PPA2: variants seen among roughly 807,000 people sequenced by gnomAD.
The protein encoded by PPA2 is inorganic pyrophosphatase 2, also known as inorganic pyrophosphatase 2, mitochondrial.
PPA2 carries 48 observed loss-of-function variants against 49.5 expected under a neutral mutation model. The ratio of observed to expected loss-of-function variants is 0.97; its 90% CI spans 0.77 to 1.23. The LOEUF is 1.23. Among genes scored for constraint, PPA2 ranks in the 50% most tolerant of loss-of-function variants. The pLI is 0.00. For missense variants in PPA2, 429 were observed against 410.1 expected (o/e 1.05, Z -0.40); for synonymous variants, 131 against 139.9 (o/e 0.94, Z 0.45).
chr4:105,386,128 A>C (rs2636725), intron 10 of PPA2, among the ~76,000 whole-genome samples: 1 of 151,794 alleles, frequency 6.6e-6, no homozygotes, highest in Non-Finnish European at 1.5e-5. Flanking sequence ...TAATTCACTC[A>C]CCTTGGCCTC....
chr4:105,471,724 T>C (rs1004657317), intron 1 of PPA2, among the ~76,000 whole-genome samples: 12 of 152,042 alleles, frequency 7.9e-5, no homozygotes, highest in Non-Finnish European at 1.6e-4. Context: ...CACTTTGCCC[T>C]ACCCCTTCTA....
Position 105,438,043 on chromosome 4 carries a change from T to A in PPA2, c.442-7A>T. 1.5e-6 allele frequency: 2 copies of A among 1,294,232 alleles called. No homozygotes were observed. Among genetic ancestry groups the A allele is most frequent in the South Asian group, 1.4e-5 (1 of 71,774 alleles). The allele number at this position is 1,294,232 out of a possible 1,614,324, so 80.2% of individuals were successfully genotyped here. ...CATGGGGATCTTCCCAAGTCTAAAA[T>A]TTTTTTTTTAAAAAAAAGCAGAAAT... On this transcript the variant is annotated splice_polypyrimidine_tract_variant and splice_region_variant and intron_variant, in intron 5 of 11. Coordinates refer to ENST00000341695, the MANE Select transcript of PPA2 (RefSeq NM_176869.3).
At chr4:105,428,207 C>T (rs1002781103) in intron 6 of PPA2, among the ~76,000 whole-genome samples, 2 of 152,096 alleles carry the variant, frequency 1.3e-5, no homozygotes, top group Admixed American at 6.5e-5. Flanking sequence ...AAGCAAGAAA[C>T]GTGGAAAGGA....
intron 7 of PPA2, among the ~76,000 whole-genome samples, chr4:105,423,720 T>G (rs1205283533): frequency 2.6e-5 from 4 of 152,190 alleles, no homozygotes; most frequent in African/African-American, 9.6e-5. Flanking sequence ...GCAGTTACTT[T>G]TCCCTTCATT....
chr4:105,417,745 A>C (rs995462104), intron 7 of PPA2, among the ~76,000 whole-genome samples: 3 of 152,230 alleles, frequency 2.0e-5, no homozygotes, highest in Non-Finnish European at 2.9e-5. Flanking sequence ...AAAAGAGCTA[A>C]CTTTTCACTG....
In PPA2 at chr4:105,474,042, C is replaced by T; in HGVS notation, c.9G>A (p.Ala3=). Residue 3 remains alanine (A), a synonymous_variant, in exon 1 of 12, where the codon GCG becomes GCA. Transcript: ENST00000341695. The stretch of plus-strand genomic sequence containing the variant: ...CACCCGTGCGCAGCAGCCGCAGCAG[C>T]GCGCTCATGGCGTCAATGACGGTCC... MS[A]LLRLLRTGAP... 6.3e-7 allele frequency: 1 copy of T among 1,588,492 alleles called. No individual in the cohort carries two copies. Among genetic ancestry groups the T allele is most frequent in the Non-Finnish European group, 8.6e-7 (1 of 1,167,004 alleles).
At chr4:105,384,837 T>C (rs1733619232) in intron 10 of PPA2, among the ~76,000 whole-genome samples, 1 of 152,212 alleles carries the variant, frequency 6.6e-6, no homozygotes, top group South Asian at 2.1e-4. Context: ...GAAAATATTT[T>C]AATGGTTCCC....
intron 6 of PPA2, 44 bp from the exon 7 acceptor site, chr4:105,424,366 G>A (rs1465536434): frequency 6.7e-7 from 1 of 1,502,822 alleles, no homozygotes; most frequent in Non-Finnish European, 8.8e-7. Flanking sequence ...GCTTTGGAGA[G>A]TTTACTCACA....
intron 1 of PPA2, among the ~76,000 whole-genome samples, chr4:105,466,859 T>G (rs995521091): frequency 6.6e-6 from 1 of 152,166 alleles, no homozygotes; most frequent in Non-Finnish European, 1.5e-5. Context: ...TTACTGGAGT[T>G]GTACGCGTGT....
intron 7 of PPA2, chr4:105,405,615 C>T: frequency 2.0e-6 from 2 of 1,009,962 alleles, no homozygotes; most frequent in Non-Finnish European, 2.4e-6. Context: ...AATAAAAAGA[C>T]TCCTCAAGTT....
intron 6 of PPA2, among the ~76,000 whole-genome samples, chr4:105,434,858 C>T (rs17035586): frequency 0.13 from 19,173 of 152,064 alleles, 1,292 homozygotes; most frequent in African/African-American, 0.16. Context: ...GCTGTAACAC[C>T]GTTAAAAACT....
chr4:105,403,192 C>CT lies in PPA2; in HGVS notation c.656-4029dup, dbSNP rs575400038. On this transcript the variant is annotated intron_variant, in intron 7 of 11. Transcript: ENST00000341695. ...GTGTGCACCACCATGCTTGGCTAATCTTTTTTGTTTGTTTGTTTTCCAGTA... is the reference window on the plus strand; with the variant it reads ...GTGTGCACCACCATGCTTGGCTAATCTTTTTTTGTTTGTTTGTTTTCCAGTA... Among the ~76,000 whole-genome samples the CT allele has an allele frequency of 1.5e-4, 23 of 151,494 alleles. No homozygotes were observed. In the South Asian group the frequency reaches 1.9e-3, roughly 12 times the overall value.
intron 10 of PPA2, among the ~76,000 whole-genome samples, chr4:105,383,588 C>T (rs929533321): frequency 6.6e-6 from 1 of 152,158 alleles, no homozygotes; most frequent in African/African-American, 2.4e-5. Flanking sequence ...AAGTACAAAG[C>T]AGTTAACCAT....
intron 1 of PPA2, 37 bp downstream of exon 1, chr4:105,473,857 C>G: frequency 6.4e-7 from 1 of 1,571,288 alleles, no homozygotes; most frequent in Non-Finnish European, 8.6e-7. Flanking sequence ...CAGGTTTCTC[C>G]GGTGCGCCGC....
intron 1 of PPA2, among the ~76,000 whole-genome samples, chr4:105,457,835 G>A (rs1389523193): frequency 1.3e-5 from 2 of 152,128 alleles, no homozygotes; most frequent in Non-Finnish European, 2.9e-5. Context: ...GAAGTATAGG[G>A]ATTACAGGTG....
At chr4:105,381,710 A>G (rs1301472775) in intron 10 of PPA2, among the ~76,000 whole-genome samples, 6 of 152,034 alleles carry the variant, frequency 3.9e-5, no homozygotes, top group Non-Finnish European at 7.4e-5. Flanking sequence ...GCCTGTAGTT[A>G]TGTCTTCATT....
intron 5 of PPA2, among the ~76,000 whole-genome samples, chr4:105,438,586 T>C (rs1724184127): frequency 6.6e-6 from 1 of 152,198 alleles, no homozygotes; most frequent in Non-Finnish European, 1.5e-5. Context: ...AGGACCTTGA[T>C]AAAAACATGA....
intron 6 of PPA2, among the ~76,000 whole-genome samples, chr4:105,428,602 T>A (rs1723639885): frequency 7.1e-6 from 1 of 141,470 alleles, no homozygotes; most frequent in African/African-American, 2.7e-5. Context: ...TTCTCCCTCA[T>A]AAGTGGGAGT....
intron 8 of PPA2, 122 bp downstream of exon 8, chr4:105,398,915 T>C (rs1221933590): frequency 1.1e-6 from 1 of 908,172 alleles, no homozygotes; most frequent in Non-Finnish European, 1.6e-6. Context: ...ATATGTAAGT[T>C]AGTAAAAAGC....
Sources: allele counts gnomAD v4.1 joint callset (sites outside exome capture counted in the v4.1 genomes callset), GRCh38; gene constraint gnomAD v4.1.1; transcripts MANE v1.5; gene names NCBI Gene and HGNC (gene_info 2026-07-23, HGNC 2026-07-21).